The following CLEC2A variants were observed in gnomAD, a reference collection of about 807,000 sequenced individuals.
CLEC2A encodes keratinocyte-associated C-type lectin.
A neutral mutation model predicts 18.6 loss-of-function variants in CLEC2A; 19 were observed. The observed-to-expected ratio is 1.02, with a 90% CI of 0.71 to 1.50. The LOEUF is 1.50. Ranked by LOEUF, CLEC2A falls within the 40% of genes most tolerant of loss-of-function variation. The pLI is 0.00. For missense variants in CLEC2A, 190 were observed against 207.9 expected, an observed-to-expected ratio of 0.91 and a Z score of 0.53; for synonymous variants, 74 against 64.0, an observed-to-expected ratio of 1.16 and a Z score of -0.75.
downstream of CLEC2A, among the ~76,000 whole-genome samples, chr12:9,895,441 T>A (rs573349468): frequency 6.2e-4 from 94 of 152,300 alleles, no homozygotes; most frequent in African/African-American, 2.1e-3. Flanking sequence ...CAGGCGTAGA[T>A]AATGAGAGGT....
the CLEC2A span, among the ~76,000 whole-genome samples, chr12:9,883,702 G>T: frequency 1.3e-5 from 2 of 152,066 alleles, no homozygotes; most frequent in Non-Finnish European, 2.9e-5. Context: ...GGAAGAAAAA[G>T]AAAGAAAATT....
At chr12:9,912,311 C>T (rs560395108), downstream of CLEC2A, among the ~76,000 whole-genome samples, 7 of 152,160 alleles carry the variant, frequency 4.6e-5, no homozygotes, top group East Asian at 1.9e-4. Context: ...ACCCTTAGGC[C>T]GTGAGTCCCA....
chr12:9,898,310 G>A (rs1276578385), downstream of CLEC2A, among the ~76,000 whole-genome samples: 1 of 152,108 alleles, frequency 6.6e-6, no homozygotes, highest in Non-Finnish European at 1.5e-5. Context: ...ATCCTTCCTC[G>A]GGAAACTGAC....
At chr12:9,897,967 A>G (rs1191099033), downstream of CLEC2A, among the ~76,000 whole-genome samples, 1 of 152,226 alleles carries the variant, frequency 6.6e-6, no homozygotes, top group African/African-American at 2.4e-5. Flanking sequence ...CATTTCCTCC[A>G]AATTAAGTGT....
chr12:9,928,110 G>T (rs1863308889), intron 1 of CLEC2A, among the ~76,000 whole-genome samples: 1 of 152,166 alleles, frequency 6.6e-6, no homozygotes, highest in Non-Finnish European at 1.5e-5. Flanking sequence ...TAGTAAAGCT[G>T]TCTTAGAGAA....
chr12:9,891,520 C>A, the CLEC2A span, among the ~76,000 whole-genome samples: 1 of 152,128 alleles, frequency 6.6e-6, no homozygotes, highest in Non-Finnish European at 1.5e-5. Context: ...TTATTTCATC[C>A]AAGTGGCACA....
At chr12:9,907,807 G>GA in intron 4 of CLEC2A, among the ~76,000 whole-genome samples, 1 of 152,172 alleles carries the variant, frequency 6.6e-6, no homozygotes. Context: ...CCAGAATAAG[G>GA]ATCTTCCCAT....
At chr12:9,894,973 A>C (rs1031605735), downstream of CLEC2A, among the ~76,000 whole-genome samples, 14 of 152,198 alleles carry the variant, frequency 9.2e-5, no homozygotes, top group South Asian at 2.9e-3. Context: ...TGGTTATAAC[A>C]GTGTTCAGTC....
the CLEC2A span, among the ~76,000 whole-genome samples, chr12:9,882,828 T>G: frequency 6.6e-6 from 1 of 152,102 alleles, no homozygotes; most frequent in Non-Finnish European, 1.5e-5. Flanking sequence ...ACAGACTAAA[T>G]GTATGGCTCT....
intron 1 of CLEC2A, among the ~76,000 whole-genome samples, chr12:9,928,893 G>A (rs1863323901): frequency 6.6e-6 from 1 of 152,178 alleles, no homozygotes; most frequent in South Asian, 2.1e-4. Flanking sequence ...ACAACTGGTT[G>A]AAGTACAAAA....
intron 3 of CLEC2A, among the ~76,000 whole-genome samples, chr12:9,920,639 T>G (rs1863155389): frequency 6.6e-6 from 1 of 152,196 alleles, no homozygotes; most frequent in Non-Finnish European, 1.5e-5. Flanking sequence ...CTGTATTTAC[T>G]CACCCCTTCA....
At chr12:9,898,825 G>C in exon 5 of CLEC2A, 1 of 684,776 alleles carries the variant, frequency 1.5e-6, no homozygotes, top group Non-Finnish European at 2.7e-6. Flanking sequence ...TAAGGATAAG[G>C]ATGAAGACAG....
rs117519610 is a variant in CLEC2A, at chr12:9,920,601, T to G, written c.306+1465A>C. On this transcript the variant is annotated intron_variant, in intron 3 of 4. Coordinates refer to ENST00000455827, the MANE Select transcript of CLEC2A (RefSeq NM_001130711.2). ...TGTTTCCTTGATTAGTTCCATTGCG[T>G]GTACCCTGGATGTTTCAGTTCAAAG... is the stretch of plus-strand genomic sequence containing the variant. Among the ~76,000 whole-genome samples the G allele has an allele frequency of 7.2e-4, 109 of 152,262 alleles. 1 individual carries two copies. In the East Asian group the frequency reaches 0.019, roughly 27 times the overall value.
At chr12:9,891,412 T>C in the CLEC2A span, among the ~76,000 whole-genome samples, 4 of 152,346 alleles carry the variant, frequency 2.6e-5, no homozygotes, top group East Asian at 7.7e-4. Flanking sequence ...TTCTGGTGTT[T>C]TACAATGCTA....
At chr12:9,888,265 C>A in the CLEC2A span, among the ~76,000 whole-genome samples, 2 of 151,444 alleles carry the variant, frequency 1.3e-5, no homozygotes, top group Non-Finnish European at 2.9e-5. Flanking sequence ...CCGAGGCGGG[C>A]GGATCACGAG....
intron 4 of CLEC2A, among the ~76,000 whole-genome samples, chr12:9,901,665 T>A (rs111519745): frequency 1.5e-3 from 228 of 152,310 alleles, no homozygotes; most frequent in African/African-American, 5.4e-3. Flanking sequence ...CAGGGAAGCC[T>A]ACTTGGAAAC....
chr12:9,905,589 A>G (rs960271704), intron 4 of CLEC2A, among the ~76,000 whole-genome samples: 3 of 152,154 alleles, frequency 2.0e-5, no homozygotes, highest in Non-Finnish European at 4.4e-5. Context: ...GGCAATGGGG[A>G]GGCATTTAGT....
chr12:9,882,141 C>A, the CLEC2A span, among the ~76,000 whole-genome samples: 47 of 152,170 alleles, frequency 3.1e-4, no homozygotes, highest in Admixed American at 1.2e-3. Flanking sequence ...ATCTTTGCTC[C>A]TTAGGGCTGC....
the CLEC2A span, chr12:9,881,525 C>A: frequency 1.8e-6 from 2 of 1,141,014 alleles, no homozygotes; most frequent in Admixed American, 2.0e-5. Context: ...AGAGACATAT[C>A]CAAGGTTGAG....
Sources: gnomAD v4.1 joint callset for allele counts (sites outside exome capture counted in the v4.1 genomes callset) on GRCh38, gnomAD v4.1.1 for gene constraint, MANE v1.5 for transcripts, NCBI Gene and HGNC (gene_info 2026-07-23, HGNC 2026-07-21) for gene names.